The following CBFB variants were observed in gnomAD, a reference collection of about 807,000 sequenced individuals.
CBFB encodes core-binding factor subunit beta.
Under a neutral mutation model 30.4 loss-of-function variants are expected in CBFB, and 9 were observed. That is an observed-to-expected ratio of 0.30 (90% CI 0.18 to 0.52). CBFB has a LOEUF of 0.52. CBFB is among the 20% of genes least tolerant of loss of function. CBFB has a pLI of 0.97. For synonymous variants in CBFB, 94 were observed against 84.0 expected (o/e 1.12, Z -0.65); for missense variants, 170 against 244.0 (o/e 0.70, Z 2.02).
At chr16:67,069,750 G>A (rs1026831277) in intron 4 of CBFB, among the ~76,000 whole-genome samples, 2 of 152,186 alleles carry the variant, frequency 1.3e-5, no homozygotes, top group African/African-American at 2.4e-5. Flanking sequence ...AAGGAACCAC[G>A]GTAAGATTAA....
intron 3 of CBFB, among the ~76,000 whole-genome samples, chr16:67,047,979 G>A (rs1416200463): frequency 6.6e-6 from 1 of 152,170 alleles, no homozygotes; most frequent in Non-Finnish European, 1.5e-5. Flanking sequence ...TAAGGCAGGA[G>A]AATCACTTGA....
chr16:67,093,375 T>G (rs1297189052), intron 5 of CBFB: 70 of 147,222 alleles, frequency 4.8e-4, no homozygotes, highest in African/African-American at 1.6e-3. Flanking sequence ...CAGGTTTTTT[T>G]TTTTTTTTTT....
chr16:67,029,449 CGAG>C lies in CBFB; in HGVS notation c.46_48del (p.Glu16del), dbSNP rs1966290429. ...CCGACCAGAGAAGCAAGTTCGAGAACGAGGAGTTTTTTAGGAAGCTGAGCCGCG... is the reference window on the plus strand; with the variant it reads ...CCGACCAGAGAAGCAAGTTCGAGAACGAGTTTTTTAGGAAGCTGAGCCGCG... On this transcript the variant is annotated inframe_deletion, in exon 1 of 6. Transcript: ENST00000412916. The C allele has an allele frequency of 6.3e-7, 1 of 1,591,134 alleles. No homozygotes were observed. Among genetic ancestry groups the C allele is most frequent in the Non-Finnish European group, 8.5e-7 (1 of 1,170,258 alleles).
At chr16:67,057,209 C>T (rs929102951) in intron 3 of CBFB, among the ~76,000 whole-genome samples, 9 of 151,622 alleles carry the variant, frequency 5.9e-5, no homozygotes, top group Non-Finnish European at 8.8e-5. Flanking sequence ...TCTCGAACTT[C>T]TGACCTCAGA....
intron 4 of CBFB, among the ~76,000 whole-genome samples, chr16:67,078,152 A>G (rs1961457972): frequency 6.6e-6 from 1 of 152,230 alleles, no homozygotes; most frequent in South Asian, 2.1e-4. Flanking sequence ...GCAGCAGGAA[A>G]GGATCAGGAT....
At chr16:67,086,455 G>GC (rs1961734168) in intron 5 of CBFB, among the ~76,000 whole-genome samples, 1 of 152,042 alleles carries the variant, frequency 6.6e-6, no homozygotes, top group Non-Finnish European at 1.5e-5. Context: ...AAACATTTGT[G>GC]CCCTCCACTT....
intron 5 of CBFB, among the ~76,000 whole-genome samples, chr16:67,094,433 C>G (rs1961982864): frequency 6.6e-6 from 1 of 152,140 alleles, no homozygotes; most frequent in Non-Finnish European, 1.5e-5. Flanking sequence ...AAATCCATGG[C>G]TATTTCTGTG....
At chr16:67,030,036 C>T (rs1266292101) in intron 2 of CBFB, 1 of 451,828 alleles carries the variant, frequency 2.2e-6, no homozygotes, top group Non-Finnish European at 3.9e-6. Flanking sequence ...TGTCGGCCAA[C>T]GGAGCACCGC....
Position 67,098,655 on chromosome 16 carries a change from G to A in CBFB, c.496-55G>A, listed in dbSNP as rs1962127065. The A allele has an allele frequency of 3.0e-6, 3 of 1,011,428 alleles. No individual in the cohort carries two copies. In the South Asian group the frequency reaches 3.8e-5, roughly 13 times the overall value. 62.7% of individuals were successfully genotyped at this position (1,011,428 alleles called of 1,614,324 possible). A position where few individuals can be genotyped will look rare whatever the true frequency, so the allele number is the denominator to read the frequency against. The stretch of plus-strand genomic sequence containing the variant: ...TACTGTCTTGTATTTTGTATATCTA[G>A]TATTTTGATTGTCAAAACACTTTTT... On this transcript the variant is annotated intron_variant, in intron 5 of 5. Transcript: ENST00000412916.
chr16:67,051,282 T>C (rs149785816), intron 3 of CBFB, among the ~76,000 whole-genome samples: 6 of 152,316 alleles, frequency 3.9e-5, no homozygotes, highest in African/African-American at 1.4e-4. Flanking sequence ...CACATGTGGC[T>C]GTTGAACACT....
At chr16:67,039,565 C>G (rs990824661) in intron 3 of CBFB, among the ~76,000 whole-genome samples, 2 of 152,068 alleles carry the variant, frequency 1.3e-5, no homozygotes, top group Non-Finnish European at 2.9e-5. Context: ...CTTACAAGAC[C>G]ACTGTCATAT....
Position 67,049,296 on chromosome 16 carries a change from C to T in CBFB, c.282+12541C>T, listed in dbSNP as rs1323354708. On this transcript the variant is annotated intron_variant, in intron 3 of 5. Coordinates refer to ENST00000412916, the MANE Select transcript of CBFB (RefSeq NM_022845.3). ...TCGGCACACTGCAACCTCCGCCTCC[C>T]GGATTCAAGCTATTCTCCTGCCTCA... Among the ~76,000 whole-genome samples the T allele has an allele frequency of 3.9e-5, 6 of 152,012 alleles. No individual in the cohort carries two copies. In the East Asian group the frequency reaches 5.8e-4, roughly 15 times the overall value.
chr16:67,061,126 A>G (rs1360768896), intron 3 of CBFB, among the ~76,000 whole-genome samples: 1 of 152,238 alleles, frequency 6.6e-6, no homozygotes, highest in African/African-American at 2.4e-5. Context: ...TAACATCACA[A>G]ATACTTATAT....
chr16:67,096,277 C>T, intron 5 of CBFB, among the ~76,000 whole-genome samples: 1 of 151,596 alleles, frequency 6.6e-6, no homozygotes, highest in East Asian at 2.0e-4. Flanking sequence ...CGCTACTGTA[C>T]TCCAGCCTGG....
intron 3 of CBFB, among the ~76,000 whole-genome samples, chr16:67,057,414 T>C (rs950453466): frequency 6.6e-6 from 1 of 152,232 alleles, no homozygotes; most frequent in Admixed American, 6.5e-5. Flanking sequence ...AACATTCTTG[T>C]AATAGAATTT....
At chr16:67,057,089 T>TCTCCTTTCTCAGCCTC (rs1300274846) in intron 3 of CBFB, among the ~76,000 whole-genome samples, 6 of 151,650 alleles carry the variant, frequency 4.0e-5, no homozygotes, top group Non-Finnish European at 8.8e-5. Flanking sequence ...TTCAAGTGAT[T>TCTCCTTTCTCAGCCTC]CTCCTTTCTC....
intron 4 of CBFB, among the ~76,000 whole-genome samples, chr16:67,075,944 A>G (rs1438784273): frequency 2.0e-5 from 3 of 152,194 alleles, no homozygotes; most frequent in Non-Finnish European, 4.4e-5. Flanking sequence ...AAAATTTTTA[A>G]AAATTAACTG....
intron 5 of CBFB, among the ~76,000 whole-genome samples, chr16:67,091,744 A>G (rs902838416): frequency 3.3e-5 from 5 of 151,634 alleles, no homozygotes; most frequent in African/African-American, 1.2e-4. Flanking sequence ...TTTTTTTTTA[A>G]TTTTACTTTA....
At position 67,059,397 on chromosome 16, in the gene CBFB, A is replaced by G. The variant is rs556303070; in HGVS notation, c.283-7285A>G. Among the ~76,000 whole-genome samples the G allele has an allele frequency of 6.6e-5, 10 of 152,344 alleles. No homozygotes were observed. The East Asian group carries it at 1.7e-3, about 26-fold the overall frequency. On this transcript the variant is annotated intron_variant, in intron 3 of 5. Coordinates refer to ENST00000412916, the MANE Select transcript of CBFB (RefSeq NM_022845.3). ...TTGTGTCTGTGAGAGAAAAGGCAGAATGGAGTTTTTCTATCATAATTGAAT... is the reference window on the plus strand; with the variant it reads ...TTGTGTCTGTGAGAGAAAAGGCAGAGTGGAGTTTTTCTATCATAATTGAAT...
Sources: gnomAD v4.1 joint callset for allele counts (sites outside exome capture counted in the v4.1 genomes callset) on GRCh38, gnomAD v4.1.1 for gene constraint, MANE v1.5 for transcripts, NCBI Gene and HGNC (gene_info 2026-07-23, HGNC 2026-07-21) for gene names.